The following TDRD3 variants were observed in gnomAD, a reference collection of about 807,000 sequenced individuals.
TDRD3 encodes tudor domain-containing protein 3.
A neutral mutation model predicts 86.7 loss-of-function variants in TDRD3; 45 were observed. That is an observed-to-expected ratio of 0.52 (90% CI 0.41 to 0.67). The LOEUF is 0.67. Ranked by LOEUF, TDRD3 falls within the 30% of genes least tolerant of loss-of-function variation. TDRD3 has a pLI of 0.00. For missense variants in TDRD3, 814 were observed against 889.0 expected, an observed-to-expected ratio of 0.92 and a Z score of 1.07; for synonymous variants, 298 against 301.7, an observed-to-expected ratio of 0.99 and a Z score of 0.13.
rs113198852 is a variant in TDRD3, at chr13:60,413,372, C to T, written c.41+15967C>T. ...TATGGCTGGTGTTTACGAGCATGGGCTCTTGAAGACCAATTCTCCTGAGCT... is the reference window on the plus strand; with the variant it reads ...TATGGCTGGTGTTTACGAGCATGGGTTCTTGAAGACCAATTCTCCTGAGCT... On this transcript the variant is annotated intron_variant, in intron 1 of 13. Transcript: ENST00000377881. Among the ~76,000 whole-genome samples the T allele has an allele frequency of 3.4e-3, 512 of 152,240 alleles. 4 individuals are homozygous for T. Among genetic ancestry groups the T allele is most frequent in the African/African-American group, 0.012 (488 of 41,566 alleles).
At chr13:60,481,561 G>A (rs1458893830) in intron 5 of TDRD3, among the ~76,000 whole-genome samples, 1 of 151,640 alleles carries the variant, frequency 6.6e-6, no homozygotes, top group Non-Finnish European at 1.5e-5. Flanking sequence ...AGTTTTCATT[G>A]TTGGTGGTTT....
chr13:60,524,560 C>G (rs1470472957), intron 10 of TDRD3, among the ~76,000 whole-genome samples: 1 of 151,638 alleles, frequency 6.6e-6, no homozygotes, highest in African/African-American at 2.4e-5. Flanking sequence ...GAACGATTGC[C>G]TCTCCCACAA....
intron 1 of TDRD3, among the ~76,000 whole-genome samples, chr13:60,432,340 A>G (rs1380429226): frequency 6.6e-6 from 1 of 152,146 alleles, no homozygotes; most frequent in Non-Finnish European, 1.5e-5. Context: ...AGGTTATCTG[A>G]AGAAAATCTT....
chr13:60,502,583 A>T (rs1956856654), intron 8 of TDRD3, among the ~76,000 whole-genome samples: 1 of 152,250 alleles, frequency 6.6e-6, no homozygotes, highest in South Asian at 2.1e-4. Flanking sequence ...ACCTCAGATA[A>T]GATCTTTTAA....
At chr13:60,572,604 T>C (rs1958610915) in intron 13 of TDRD3, among the ~76,000 whole-genome samples, 1 of 152,150 alleles carries the variant, frequency 6.6e-6, no homozygotes. Context: ...CAAGGCTCAA[T>C]GTGTAAAGCA....
At chr13:60,468,647 G>C (rs1332080645) in intron 5 of TDRD3, among the ~76,000 whole-genome samples, 2 of 152,008 alleles carry the variant, frequency 1.3e-5, no homozygotes, top group African/African-American at 4.8e-5. Flanking sequence ...GTCTTTATAA[G>C]GGCTGTTAAA....
chr13:60,565,911 C>T (rs532909270), intron 12 of TDRD3, among the ~76,000 whole-genome samples: 1 of 152,206 alleles, frequency 6.6e-6, no homozygotes, highest in South Asian at 2.1e-4. Flanking sequence ...TGCTAAATTA[C>T]AGATATAATA....
At chr13:60,424,975 T>C (rs991975094) in intron 1 of TDRD3, among the ~76,000 whole-genome samples, 2 of 152,238 alleles carry the variant, frequency 1.3e-5, no homozygotes, top group African/African-American at 4.8e-5. Flanking sequence ...CCTTCACTTA[T>C]TTTTATGACA....
intron 8 of TDRD3, among the ~76,000 whole-genome samples, chr13:60,497,842 A>G (rs1956750657): frequency 6.6e-6 from 1 of 152,090 alleles, no homozygotes; most frequent in Non-Finnish European, 1.5e-5. Flanking sequence ...AATTTATATA[A>G]ACAGAAATCT....
intron 5 of TDRD3, among the ~76,000 whole-genome samples, chr13:60,472,368 AGTAG>A (rs1287393637): frequency 8.5e-5 from 13 of 152,220 alleles, no homozygotes; most frequent in Admixed American, 7.2e-4. Flanking sequence ...TTAGATGTAC[AGTAG>A]TTTAAAACAC....
rs531680993 is a variant in TDRD3 at position 60,465,076 on chromosome 13, C to G, written c.354-2162C>G. 5.3e-5 allele frequency among the ~76,000 whole-genome samples: 8 copies of G among 152,108 alleles called. No homozygotes were observed. The South Asian group carries it at 1.7e-3, about 32-fold the overall frequency. ...ACCCCCAAAATATGTATAATTATGA[C>G]AACACAAAAATAAAAATTTAGCCCC... On this transcript the variant is annotated intron_variant, in intron 4 of 13. Transcript: ENST00000377881.
chr13:60,546,097 G>A (rs185758622), intron 12 of TDRD3, among the ~76,000 whole-genome samples: 20 of 152,156 alleles, frequency 1.3e-4, no homozygotes, highest in African/African-American at 4.1e-4. Context: ...AAAAGCTTTG[G>A]GCACAAATAC....
intron 1 of TDRD3, among the ~76,000 whole-genome samples, chr13:60,409,046 C>T (rs1294661225): frequency 6.6e-6 from 1 of 152,252 alleles, no homozygotes; most frequent in African/African-American, 2.4e-5. Context: ...CCACTCCAGC[C>T]TTGGCTGAAA....
chr13:60,433,215 A>G (rs1484475770), intron 1 of TDRD3, among the ~76,000 whole-genome samples: 1 of 152,158 alleles, frequency 6.6e-6, no homozygotes, highest in African/African-American at 2.4e-5. Context: ...CATTATTTCA[A>G]TGGGTGGCAG....
intron 12 of TDRD3, among the ~76,000 whole-genome samples, chr13:60,565,690 C>T (rs1000419119): frequency 6.6e-6 from 1 of 152,080 alleles, no homozygotes; most frequent in African/African-American, 2.4e-5. Context: ...CATTCTAATT[C>T]CTGAAATAAT....
At chr13:60,400,411 T>C (rs1200678309) in intron 1 of TDRD3, among the ~76,000 whole-genome samples, 1 of 152,198 alleles carries the variant, frequency 6.6e-6, no homozygotes, top group East Asian at 1.9e-4. Flanking sequence ...CAGAAACCTG[T>C]CACGGGGTAC....
chr13:60,445,328 G>C (rs531610198), intron 3 of TDRD3, among the ~76,000 whole-genome samples: 1 of 152,296 alleles, frequency 6.6e-6, no homozygotes, highest in African/African-American at 2.4e-5. Context: ...AGGAGAAATG[G>C]AGTACATCTG....
At chr13:60,535,060 T>A (rs1352483752) in intron 11 of TDRD3, 48 bp from the exon 12 acceptor site, 1 of 1,605,030 alleles carries the variant, frequency 6.2e-7, no homozygotes, top group Admixed American at 1.7e-5. Flanking sequence ...TATTGCCCTT[T>A]ATAGACAATA....
chr13:60,529,951 G>A (rs1349412862), intron 11 of TDRD3, among the ~76,000 whole-genome samples: 1 of 151,790 alleles, frequency 6.6e-6, no homozygotes, highest in Non-Finnish European at 1.5e-5. Flanking sequence ...GAGAGAAGGG[G>A]ACTTTGCACA....
Sources: gnomAD v4.1 joint callset for allele counts (sites outside exome capture counted in the v4.1 genomes callset) on GRCh38, gnomAD v4.1.1 for gene constraint, MANE v1.5 for transcripts, NCBI Gene and HGNC (gene_info 2026-07-23, HGNC 2026-07-21) for gene names.